ZNF704: variants seen among roughly 807,000 people sequenced by gnomAD.
ZNF704 encodes glucocorticoid induced gene 1.
ZNF704 carries 10 observed loss-of-function variants against 44.7 expected under a neutral mutation model. That is an observed-to-expected ratio of 0.22 (90% CI 0.14 to 0.38). The LOEUF (loss-of-function observed/expected upper bound fraction) is 0.38, where lower values mean the gene tolerates loss of function less well. ZNF704 is among the 10% of genes least tolerant of loss of function. The pLI is 1.00. For synonymous variants in ZNF704, 211 were observed against 207.6 expected, an observed-to-expected ratio of 1.02 and a Z score of -0.14; for missense variants, 390 against 545.5, an observed-to-expected ratio of 0.71 and a Z score of 2.84.
intron 2 of ZNF704, among the ~76,000 whole-genome samples, chr8:80,792,814 G>C (rs1807734584): frequency 6.6e-6 from 1 of 152,154 alleles, no homozygotes; most frequent in African/African-American, 2.4e-5. Context: ...AATCATATGT[G>C]CTCAGAAGTG....
intron 2 of ZNF704, among the ~76,000 whole-genome samples, chr8:80,818,265 T>C (rs12114302): frequency 0.021 from 3,189 of 152,266 alleles, 102 homozygotes; most frequent in African/African-American, 0.069. Context: ...TTTTAAATGA[T>C]TGAAGAACTC....
rs1817627166 is a variant in ZNF704, at chr8:80,633,992, G to C, written c.*7374C>G. 6.6e-6 allele frequency: 1 copy of C among 152,210 alleles called. No individual in the cohort carries two copies. The highest frequency in any genetic ancestry group is 2.4e-5 in the African/African-American group (1 of 41,456). 9.4% of individuals were successfully genotyped at this position (152,210 alleles called of 1,614,324 possible). On this transcript the variant is annotated 3_prime_UTR_variant, in exon 9 of 9. Transcript: ENST00000327835. Reference sequence around the variant, plus strand: ...AAATGCCTACCAGTTCTGAAGCAAGGCTTCTGCTGTATCAGAGGTGAAGCA... The same window carrying C: ...AAATGCCTACCAGTTCTGAAGCAAGCCTTCTGCTGTATCAGAGGTGAAGCA...
At chr8:80,740,376 T>C (rs573291603) in intron 2 of ZNF704, among the ~76,000 whole-genome samples, 4 of 152,158 alleles carry the variant, frequency 2.6e-5, no homozygotes, top group African/African-American at 9.6e-5. Flanking sequence ...CCTGTCCTGT[T>C]CAAATTAAAC....
intron 2 of ZNF704, among the ~76,000 whole-genome samples, chr8:80,797,142 T>G (rs1807819737): frequency 6.6e-6 from 1 of 152,220 alleles, no homozygotes; most frequent in Admixed American, 6.5e-5. Context: ...GTGTCCTATG[T>G]ATACTGGTAT....
chr8:80,847,221 T>C (rs1202167272), intron 1 of ZNF704, among the ~76,000 whole-genome samples: 12 of 151,826 alleles, frequency 7.9e-5, no homozygotes, highest in Admixed American at 7.9e-4. Flanking sequence ...ATAGTACCAC[T>C]TACAGTCACC....
chr8:80,732,638 G>A (rs1457176945), intron 2 of ZNF704, among the ~76,000 whole-genome samples: 2 of 152,174 alleles, frequency 1.3e-5, no homozygotes, highest in Non-Finnish European at 2.9e-5. Flanking sequence ...AGATCTGATG[G>A]CAACCTCATG....
intron 4 of ZNF704, among the ~76,000 whole-genome samples, chr8:80,677,548 T>A (rs1818388548): frequency 6.6e-6 from 1 of 152,176 alleles, no homozygotes; most frequent in African/African-American, 2.4e-5. Flanking sequence ...TCCTCACACA[T>A]ACACACACCT....
intron 2 of ZNF704, among the ~76,000 whole-genome samples, chr8:80,735,299 T>C (rs1252473017): frequency 6.6e-6 from 1 of 152,218 alleles, no homozygotes; most frequent in Non-Finnish European, 1.5e-5. Context: ...AAAGACCTAC[T>C]ACTCTTATTT....
At chr8:80,743,798 C>T (rs1806802821) in intron 2 of ZNF704, among the ~76,000 whole-genome samples, 1 of 152,178 alleles carries the variant, frequency 6.6e-6, no homozygotes, top group South Asian at 2.1e-4. Flanking sequence ...ATAGAGATGT[C>T]TAACTTCATA....
intron 2 of ZNF704, among the ~76,000 whole-genome samples, chr8:80,792,624 A>G (rs1483940502): frequency 1.3e-5 from 2 of 152,188 alleles, no homozygotes; most frequent in Admixed American, 6.5e-5. Flanking sequence ...CTAGCATTGT[A>G]AATACATGAG....
At chr8:80,666,418 TA>T (rs1189647141) in intron 5 of ZNF704, among the ~76,000 whole-genome samples, 1 of 151,738 alleles carries the variant, frequency 6.6e-6, no homozygotes, top group African/African-American at 2.4e-5. Flanking sequence ...AATGCCGCAA[TA>T]AACATACGTG....
intron 4 of ZNF704, among the ~76,000 whole-genome samples, chr8:80,681,578 C>T (rs74618024): frequency 0.05 from 7,640 of 152,120 alleles, 236 homozygotes; most frequent in Middle Eastern, 0.095. Context: ...TCAAAACTCA[C>T]TAAATGGTAT....
intron 7 of ZNF704, among the ~76,000 whole-genome samples, chr8:80,655,950 C>G (rs1422437429): frequency 6.6e-6 from 1 of 152,128 alleles, no homozygotes; most frequent in Non-Finnish European, 1.5e-5. Context: ...ACTTGCTTTC[C>G]TAGGGGCTGT....
chr8:80,763,115 G>A (rs1807159349), intron 2 of ZNF704, among the ~76,000 whole-genome samples: 1 of 152,204 alleles, frequency 6.6e-6, no homozygotes, highest in Non-Finnish European at 1.5e-5. Context: ...TTGAGTGTCT[G>A]CAGCTTTTCT....
At chr8:80,647,344 T>C (rs895470394) in intron 7 of ZNF704, among the ~76,000 whole-genome samples, 3 of 152,124 alleles carry the variant, frequency 2.0e-5, no homozygotes, top group Non-Finnish European at 4.4e-5. Context: ...GGGTGGGCAC[T>C]TTGTGGGAGG....
chr8:80,654,527 G>A (rs1426047398), intron 7 of ZNF704, among the ~76,000 whole-genome samples: 37 of 152,246 alleles, frequency 2.4e-4, no homozygotes, highest in African/African-American at 4.6e-4. Context: ...AAAAGTGGGC[G>A]AAGGATATGA....
At chr8:80,648,915 G>C (rs1260496295) in intron 7 of ZNF704, among the ~76,000 whole-genome samples, 1 of 152,092 alleles carries the variant, frequency 6.6e-6, no homozygotes. Flanking sequence ...CCTGCTTTTT[G>C]CACTCTTCCA....
At chr8:80,675,618 C>T (rs1444894734) in intron 4 of ZNF704, among the ~76,000 whole-genome samples, 1 of 151,976 alleles carries the variant, frequency 6.6e-6, no homozygotes, top group South Asian at 2.1e-4. Flanking sequence ...TAGACACATT[C>T]AAGACATAGT....
chr8:80,733,428 A>G (rs1295391886), intron 2 of ZNF704, among the ~76,000 whole-genome samples: 1 of 152,174 alleles, frequency 6.6e-6, no homozygotes, highest in Admixed American at 6.5e-5. Context: ...GATGTACTTT[A>G]CTTTGCTATT....
Sources: allele counts gnomAD v4.1 joint callset (sites outside exome capture counted in the v4.1 genomes callset), GRCh38; gene constraint gnomAD v4.1.1; transcripts MANE v1.5; gene names NCBI Gene and HGNC (gene_info 2026-07-23, HGNC 2026-07-21).